The following SETBP1 variants were observed in gnomAD, a reference collection of about 807,000 sequenced individuals.
SETBP1 encodes the protein SET binding protein 1, also known as SET-binding protein.
Under a neutral mutation model 101.0 loss-of-function variants are expected in SETBP1, and 9 were observed. The ratio of observed to expected loss-of-function variants is 0.09; its 90% confidence interval spans 0.05 to 0.16. The LOEUF (loss-of-function observed/expected upper bound fraction) is 0.16. SETBP1 is among the 10% of genes least tolerant of loss of function. The probability of loss-of-function intolerance (pLI) is 1.00; values close to 1 mark genes in which losing one functional copy is unlikely to be tolerated. For missense variants in SETBP1, 1,858 were observed against 2,033.8 expected, an observed-to-expected ratio of 0.91 and a Z score of 1.66; for synonymous variants, 818 against 788.5, an observed-to-expected ratio of 1.04 and a Z score of -0.63.
intron 2 of SETBP1, among the ~76,000 whole-genome samples, chr18:44,717,591 A>G (rs1386866958): frequency 6.6e-6 from 1 of 152,204 alleles, no homozygotes; most frequent in Non-Finnish European, 1.5e-5. Context: ...CCCTTTACCA[A>G]CAAAAGGGTA....
intron 3 of SETBP1, among the ~76,000 whole-genome samples, chr18:44,902,914 G>A (rs1035855303): frequency 1.3e-5 from 2 of 151,576 alleles, no homozygotes; most frequent in East Asian, 1.9e-4. Flanking sequence ...ATGTTGTATT[G>A]CCAAATATGG....
At chr18:45,014,443 G>A (rs1444074370) in intron 4 of SETBP1, among the ~76,000 whole-genome samples, 3 of 152,176 alleles carry the variant, frequency 2.0e-5, no homozygotes, top group African/African-American at 7.2e-5. Flanking sequence ...GTTGGATCAG[G>A]GCAGCGCATT....
intron 3 of SETBP1, among the ~76,000 whole-genome samples, chr18:44,890,475 C>A (rs1160515267): frequency 6.6e-6 from 1 of 152,100 alleles, no homozygotes; most frequent in Non-Finnish European, 1.5e-5. Flanking sequence ...AAGGCTCTTC[C>A]ATGGGAATCT....
chr18:45,017,155 C>T (rs1369564784), intron 4 of SETBP1, among the ~76,000 whole-genome samples: 1 of 152,110 alleles, frequency 6.6e-6, no homozygotes, highest in Non-Finnish European at 1.5e-5. Flanking sequence ...TTCACCACAA[C>T]CACACAGCCA....
intron 4 of SETBP1, among the ~76,000 whole-genome samples, chr18:45,002,743 T>C (rs1372399929): frequency 1.3e-5 from 2 of 152,236 alleles, no homozygotes; most frequent in South Asian, 2.1e-4. Context: ...CTCTCTCATC[T>C]GAAGAGACAT....
chr18:44,760,276 T>C (rs2070609265), intron 2 of SETBP1, among the ~76,000 whole-genome samples: 1 of 152,204 alleles, frequency 6.6e-6, no homozygotes, highest in Non-Finnish European at 1.5e-5. Context: ...CATCTCTCTC[T>C]GGATGGGGAA....
chr18:44,815,683 A>T lies in SETBP1; in HGVS notation c.487-53547A>T, dbSNP rs147895484. Among the ~76,000 whole-genome samples the T allele has an allele frequency of 2.8e-3, 426 of 152,326 alleles. 1 individual carries two copies. Among genetic ancestry groups the T allele is most frequent in the Middle Eastern group, 0.01 (3 of 294 alleles). On this transcript the variant is annotated intron_variant, in intron 2 of 5. Coordinates refer to ENST00000649279, the MANE Select transcript of SETBP1 (RefSeq NM_015559.3). ...TATTAACAGTGAGGCTGCAGCCAGG[A>T]TTACCCATTAGCTGCTCTCGTCAAC...
At chr18:44,879,803 G>T (rs1256667206) in intron 3 of SETBP1, among the ~76,000 whole-genome samples, 1 of 152,128 alleles carries the variant, frequency 6.6e-6, no homozygotes, top group African/African-American at 2.4e-5. Flanking sequence ...CCAGGAGAAG[G>T]GAACACCTCA....
At chr18:44,898,800 G>A (rs943377881) in intron 3 of SETBP1, among the ~76,000 whole-genome samples, 1 of 152,198 alleles carries the variant, frequency 6.6e-6, no homozygotes, top group African/African-American at 2.4e-5. Context: ...TCACTCCAAT[G>A]TGTTTTCTCT....
At position 44,702,231 on chromosome 18, in the gene SETBP1, T is replaced by A. The variant is rs542262684; in HGVS notation, c.486+399T>A. On this transcript the variant is annotated intron_variant, in intron 2 of 5. Coordinates refer to ENST00000649279, the MANE Select transcript of SETBP1 (RefSeq NM_015559.3). ...TCATCCTCATCGTCTTCATGGTGGG[T>A]AGGCTGAGGATGAGGAAGAAGAGGA... is the stretch of plus-strand genomic sequence containing the variant. Among the ~76,000 whole-genome samples the A allele has an allele frequency of 1.4e-4, 21 of 152,256 alleles. No homozygotes were observed. The South Asian group carries it at 3.9e-3, about 29-fold the overall frequency.
intron 2 of SETBP1, among the ~76,000 whole-genome samples, chr18:44,765,245 C>T (rs1423056105): frequency 1.3e-5 from 2 of 151,810 alleles, no homozygotes. Context: ...GGTAGATGTA[C>T]CTTTCCCTCT....
intron 2 of SETBP1, among the ~76,000 whole-genome samples, chr18:44,862,681 A>G (rs1420193452): frequency 6.6e-6 from 1 of 152,212 alleles, no homozygotes; most frequent in African/African-American, 2.4e-5. Context: ...TAAGCCAATA[A>G]CAGATCCATA....
chr18:45,016,731 G>GCGCACA (rs1352316966), intron 4 of SETBP1, among the ~76,000 whole-genome samples: 10 of 122,752 alleles, frequency 8.1e-5, no homozygotes, highest in South Asian at 3.0e-4. Flanking sequence ...ATTGGTGCGC[G>GCGCACA]CACACACACA....
intron 2 of SETBP1, among the ~76,000 whole-genome samples, chr18:44,798,009 T>C (rs1039675348): frequency 6.6e-6 from 1 of 152,162 alleles, no homozygotes; most frequent in African/African-American, 2.4e-5. Flanking sequence ...ATCTAAGCAG[T>C]CACCTGTTCT....
chr18:44,998,408 G>A (rs1451714474), intron 4 of SETBP1, among the ~76,000 whole-genome samples: 6 of 152,218 alleles, frequency 3.9e-5, no homozygotes, highest in South Asian at 2.1e-4. Context: ...AAGGTTGAGT[G>A]GTGAGCATTA....
intron 4 of SETBP1, among the ~76,000 whole-genome samples, chr18:44,995,696 C>G (rs11664848): frequency 0.59 from 90,103 of 151,928 alleles, 27,302 homozygotes; most frequent in Middle Eastern, 0.7. Flanking sequence ...AATCAAGATG[C>G]TGGGATCAGT....
At chr18:44,913,375 C>T (rs2070356731) in intron 3 of SETBP1, among the ~76,000 whole-genome samples, 1 of 152,192 alleles carries the variant, frequency 6.6e-6, no homozygotes, top group Non-Finnish European at 1.5e-5. Flanking sequence ...TAGATCAATG[C>T]TTCCGTCCTC....
At chr18:44,816,711 C>T (rs1405688762) in intron 2 of SETBP1, among the ~76,000 whole-genome samples, 1 of 152,066 alleles carries the variant, frequency 6.6e-6, no homozygotes, top group East Asian at 1.9e-4. Context: ...AATAGAACAC[C>T]GCAGTTCAAC....
chr18:44,810,974 T>A (rs893780432), intron 2 of SETBP1, among the ~76,000 whole-genome samples: 3 of 152,178 alleles, frequency 2.0e-5, no homozygotes, highest in African/African-American at 7.2e-5. Context: ...AGGGGGCTCA[T>A]GACTCAGTAA....
Sources: allele counts gnomAD v4.1 joint callset (sites outside exome capture counted in the v4.1 genomes callset), GRCh38; gene constraint gnomAD v4.1.1; transcripts MANE v1.5; gene names NCBI Gene and HGNC (gene_info 2026-07-23, HGNC 2026-07-21).